KHDRBS3: variants seen among roughly 807,000 people sequenced by gnomAD.
KHDRBS3 encodes the protein KH RNA binding domain containing, signal transduction associated 3.
In KHDRBS3, 23 loss-of-function variants were observed where a neutral mutation model predicts 45.6. The observed-to-expected ratio is 0.50, with a 90% CI of 0.36 to 0.72. The LOEUF (loss-of-function observed/expected upper bound fraction) is 0.72, where lower values mean the gene tolerates loss of function less well. Among genes scored for constraint, KHDRBS3 ranks in the 30% least tolerant of loss-of-function variants. The pLI is 0.00. For synonymous variants in KHDRBS3, 162 were observed against 156.5 expected, an observed-to-expected ratio of 1.04 and a Z score of -0.26; for missense variants, 352 against 424.8, an observed-to-expected ratio of 0.83 and a Z score of 1.51.
rs112963859 is a variant in KHDRBS3 at position 135,576,736 on chromosome 8, C to T, written c.612-5142C>T. ...GGTATTAGAAACCAAGGTCAGGCTG[C>T]TGGCCCGCTTGTTGTTTCTGGGATG... On this transcript the variant is annotated intron_variant, in intron 5 of 8. Coordinates refer to ENST00000355849, the MANE Select transcript of KHDRBS3 (RefSeq NM_006558.3). Among the ~76,000 whole-genome samples, 182 of 152,290 alleles carry T rather than the reference C, an allele frequency of 1.2e-3. 2 individuals are homozygous for T. Among genetic ancestry groups the T allele is most frequent in the African/African-American group, 3.6e-3 (151 of 41,562 alleles).
intron 7 of KHDRBS3, among the ~76,000 whole-genome samples, chr8:135,626,769 AC>A (rs1177815817): frequency 2.6e-4 from 24 of 90,772 alleles, no homozygotes; most frequent in African/African-American, 1.2e-3. Flanking sequence ...GCGCCACCGC[AC>A]TCCAACCTGG....
chr8:135,649,771 A>G (rs942144719), downstream of KHDRBS3, among the ~76,000 whole-genome samples: 3 of 152,208 alleles, frequency 2.0e-5, no homozygotes, highest in Admixed American at 1.3e-4. Flanking sequence ...TAGAGGGTCA[A>G]TCCTCAGGTG....
At chr8:135,533,850 T>G (rs766414934) in intron 2 of KHDRBS3, among the ~76,000 whole-genome samples, 15 of 152,314 alleles carry the variant, frequency 9.8e-5, no homozygotes, top group Non-Finnish European at 1.8e-4. Flanking sequence ...TTCGGAACAC[T>G]CAACATTAGC....
chr8:135,489,555 G>T (rs1461261878), intron 1 of KHDRBS3, among the ~76,000 whole-genome samples: 2 of 152,064 alleles, frequency 1.3e-5, no homozygotes, highest in Non-Finnish European at 2.9e-5. Context: ...GCACACAGCT[G>T]TAGTCCCAGC....
chr8:135,470,357 A>G (rs528849119), intron 1 of KHDRBS3, among the ~76,000 whole-genome samples: 3 of 151,964 alleles, frequency 2.0e-5, no homozygotes, highest in Non-Finnish European at 4.4e-5. Flanking sequence ...TTTCTCTCTT[A>G]GGCTCATTAG....
At chr8:135,498,253 T>G (rs902761969) in intron 1 of KHDRBS3, among the ~76,000 whole-genome samples, 1 of 152,228 alleles carries the variant, frequency 6.6e-6, no homozygotes, top group South Asian at 2.1e-4. Flanking sequence ...GCTTTTTAGT[T>G]TTAATTAAGG....
At chr8:135,516,049 T>C (rs1009286431) in intron 1 of KHDRBS3, among the ~76,000 whole-genome samples, 1 of 152,236 alleles carries the variant, frequency 6.6e-6, no homozygotes, top group Non-Finnish European at 1.5e-5. Context: ...CTAGGTGATA[T>C]AGCCTGTTGC....
chr8:135,515,376 A>T (rs1315935703), intron 1 of KHDRBS3, among the ~76,000 whole-genome samples: 1 of 67,142 alleles, frequency 1.5e-5, no homozygotes, highest in Non-Finnish European at 2.9e-5. Context: ...AAAAAAAAAA[A>T]AAAAAAAAAA....
intron 2 of KHDRBS3, among the ~76,000 whole-genome samples, chr8:135,527,873 A>C (rs1825273050): frequency 6.6e-6 from 1 of 152,168 alleles, no homozygotes; most frequent in Non-Finnish European, 1.5e-5. Context: ...GGTTTTCGTG[A>C]TATTTTTCTA....
At chr8:135,622,562 G>T (rs184098555) in intron 7 of KHDRBS3, among the ~76,000 whole-genome samples, 12 of 152,302 alleles carry the variant, frequency 7.9e-5, no homozygotes, top group African/African-American at 2.6e-4. Context: ...ATCACAATCA[G>T]TGTTTTCCTA....
chr8:135,576,419 C>T (rs977319456), intron 5 of KHDRBS3, among the ~76,000 whole-genome samples: 5 of 152,180 alleles, frequency 3.3e-5, no homozygotes, highest in Non-Finnish European at 7.3e-5. Context: ...TCAGTCATTT[C>T]TGTCAGTGTG....
chr8:135,617,770 T>C (rs949018811), intron 7 of KHDRBS3, among the ~76,000 whole-genome samples: 2 of 152,220 alleles, frequency 1.3e-5, no homozygotes, highest in South Asian at 2.1e-4. Context: ...GAAACTATTA[T>C]AGTCTTTTCT....
intron 1 of KHDRBS3, among the ~76,000 whole-genome samples, chr8:135,497,311 C>G (rs1340739537): frequency 3.9e-5 from 6 of 152,286 alleles, no homozygotes; most frequent in African/African-American, 1.4e-4. Flanking sequence ...AATGCTCCGG[C>G]AGTCCTAAAG....
intron 7 of KHDRBS3, among the ~76,000 whole-genome samples, chr8:135,630,053 G>C (rs985188040): frequency 1.3e-5 from 2 of 152,200 alleles, no homozygotes; most frequent in Non-Finnish European, 2.9e-5. Flanking sequence ...CATTTACAGC[G>C]ACATGATCTG....
intron 1 of KHDRBS3, among the ~76,000 whole-genome samples, chr8:135,471,797 T>C (rs1362149461): frequency 2.6e-5 from 4 of 152,240 alleles, no homozygotes; most frequent in African/African-American, 9.6e-5. Flanking sequence ...AATGCATCCC[T>C]GTTCTCTTCG....
chr8:135,543,297 A>T (rs867105026), intron 3 of KHDRBS3, among the ~76,000 whole-genome samples: 1 of 152,192 alleles, frequency 6.6e-6, no homozygotes, highest in East Asian at 1.9e-4. Flanking sequence ...TCACATTAAT[A>T]GTCATGGTTT....
At chr8:135,501,363 G>C (rs1173922478) in intron 1 of KHDRBS3, among the ~76,000 whole-genome samples, 1 of 152,162 alleles carries the variant, frequency 6.6e-6, no homozygotes, top group Non-Finnish European at 1.5e-5. Flanking sequence ...TAAAATACCA[G>C]TCATGATATG....
intron 1 of KHDRBS3, 61 bp downstream of exon 1, chr8:135,458,015 G>C: frequency 6.6e-7 from 1 of 1,505,146 alleles, no homozygotes. Flanking sequence ...GAAACGCGGG[G>C]GCCCAGGGGG....
intron 6 of KHDRBS3, among the ~76,000 whole-genome samples, chr8:135,584,721 C>T (rs576142301): frequency 3.3e-5 from 5 of 152,268 alleles, no homozygotes; most frequent in Non-Finnish European, 7.4e-5. Context: ...ATCAGTAGCA[C>T]TGCCTTGCAG....
Sources: allele counts gnomAD v4.1 joint callset (sites outside exome capture counted in the v4.1 genomes callset), GRCh38; gene constraint gnomAD v4.1.1; transcripts MANE v1.5; gene names NCBI Gene and HGNC (gene_info 2026-07-23, HGNC 2026-07-21).